APTX: variants seen among roughly 807,000 people sequenced by gnomAD.
APTX encodes aprataxin, also known as forkhead-associated domain histidine triad-like protein.
A neutral mutation model predicts 42.3 loss-of-function variants in APTX; 33 were observed. The observed-to-expected ratio is 0.78, with a 90% CI of 0.59 to 1.04. APTX has a LOEUF of 1.04. Ranked by LOEUF, APTX falls within the 50% of genes least tolerant of loss-of-function variation. The pLI is 0.00. For synonymous variants in APTX, 130 were observed against 146.7 expected, an observed-to-expected ratio of 0.89 and a Z score of 0.82; for missense variants, 421 against 415.1, an observed-to-expected ratio of 1.01 and a Z score of -0.12.
chr9:33,002,041 G>A (rs1836657808), upstream of APTX, among the ~76,000 whole-genome samples: 1 of 152,212 alleles, frequency 6.6e-6, no homozygotes, highest in Non-Finnish European at 1.5e-5. Flanking sequence ...CCTTTGTGCA[G>A]GGAGGAAAGA....
At chr9:32,981,090 G>A (rs1830578435) in intron 6 of APTX, among the ~76,000 whole-genome samples, 1 of 152,086 alleles carries the variant, frequency 6.6e-6, no homozygotes, top group Admixed American at 6.6e-5. Flanking sequence ...ACCTAGCTTT[G>A]GAGAACAGTG....
At chr9:33,010,791 A>T (rs1349139046) in intron 1 of APTX, among the ~76,000 whole-genome samples, 1 of 152,186 alleles carries the variant, frequency 6.6e-6, no homozygotes, top group Admixed American at 6.5e-5. Context: ...TAAGAAAAGA[A>T]AGATACAGGT....
intron 6 of APTX, among the ~76,000 whole-genome samples, chr9:32,977,057 T>G (rs904965401): frequency 3.9e-5 from 6 of 152,230 alleles, no homozygotes; most frequent in Admixed American, 1.3e-4. Flanking sequence ...AAAATGTAAT[T>G]TCCATTTATG....
intron 1 of APTX, among the ~76,000 whole-genome samples, chr9:33,020,736 T>C (rs1838306495): frequency 6.6e-6 from 1 of 152,228 alleles, no homozygotes; most frequent in East Asian, 1.9e-4. Context: ...CAAAACAAAA[T>C]TCAAACTTTT....
chr9:32,997,500 G>A (rs1221954509), intron 1 of APTX: 1 of 152,172 alleles, frequency 6.6e-6, no homozygotes, highest in Non-Finnish European at 1.5e-5. Flanking sequence ...TGGAGGAGGT[G>A]GACCTAAACT....
At chr9:32,983,619 T>A (rs1831205522) in intron 6 of APTX, among the ~76,000 whole-genome samples, 1 of 152,052 alleles carries the variant, frequency 6.6e-6, no homozygotes, top group Admixed American at 6.6e-5. Context: ...TTCACCTAAA[T>A]AAAATGTGAG....
intron 7 of APTX, 84 bp from the exon 8 acceptor site, chr9:32,973,736 AC>A (rs1162563583): frequency 6.5e-7 from 1 of 1,537,220 alleles, no homozygotes; most frequent in Admixed American, 1.7e-5. Flanking sequence ...AAAATCAAAA[AC>A]GTGACTCCAA....
chr9:32,988,255 C>T (rs1164886419), intron 2 of APTX, 126 bp from the exon 3 acceptor site: 2 of 811,952 alleles, frequency 2.5e-6, no homozygotes, highest in Non-Finnish European at 4.3e-6. Context: ...CCTTAAAGGC[C>T]TATTAGCAAT....
Position 32,988,069 on chromosome 9 carries a change from A to C in APTX, c.180+14T>G. ...ATCATCGAGTATAAAATTCCAAGTT[A>C]TAAATACACCTACCTGCTTTACCTT... On this transcript the variant is annotated intron_variant, in intron 3 of 7. Transcript: ENST00000379817. 2.5e-6 allele frequency: 4 copies of C among 1,613,342 alleles called. 1 individual carries two copies. The South Asian group carries it at 4.4e-5, about 18-fold the overall frequency.
exon 1 of APTX, chr9:33,025,055 G>A (rs1318620509): frequency 1.3e-5 from 2 of 152,536 alleles, no homozygotes; most frequent in African/African-American, 2.4e-5. Context: ...CAGGCTCGCT[G>A]AGTGGAGAAA....
At chr9:33,023,666 G>T (rs1254437583) in intron 1 of APTX, among the ~76,000 whole-genome samples, 1 of 152,226 alleles carries the variant, frequency 6.6e-6, no homozygotes, top group Non-Finnish European at 1.5e-5. Context: ...AAAATCAGGT[G>T]TCTGTCAGCC....
At chr9:32,985,877 A>T in intron 5 of APTX, 94 bp downstream of exon 5, 1 of 1,157,580 alleles carries the variant, frequency 8.6e-7, no homozygotes, top group Non-Finnish European at 1.3e-6. Context: ...ATTCAGAAAG[A>T]CTGATATCCT....
intron 6 of APTX, among the ~76,000 whole-genome samples, chr9:32,975,106 G>T (rs1013539469): frequency 6.6e-6 from 1 of 152,068 alleles, no homozygotes; most frequent in South Asian, 2.1e-4. Flanking sequence ...GCCCTGAGAT[G>T]AGGAAAAGCT....
chr9:33,007,498 C>G (rs1564000361), intron 1 of APTX, among the ~76,000 whole-genome samples: 2 of 152,154 alleles, frequency 1.3e-5, no homozygotes, highest in Non-Finnish European at 2.9e-5. Flanking sequence ...AACGAAGGGA[C>G]AGAAGTTCAC....
chr9:32,999,856 G>A (rs1355721302), intron 1 of APTX, among the ~76,000 whole-genome samples: 15 of 152,096 alleles, frequency 9.9e-5, no homozygotes, highest in Non-Finnish European at 2.9e-5. Flanking sequence ...GACGCCTGTA[G>A]TCCTGAGCCA....
chr9:32,975,707 GAAGAAA>G lies in APTX; in HGVS notation c.771-1152_771-1147del, dbSNP rs555135583. 4.1e-3 allele frequency among the ~76,000 whole-genome samples: 628 copies of G among 152,150 alleles called. 6 individuals carry two copies. Among genetic ancestry groups the G allele is most frequent in the African/African-American group, 0.014 (598 of 41,518 alleles). On this transcript the variant is annotated intron_variant, in intron 6 of 7. Transcript: ENST00000379817. ...AAGTTAGACTCCATCACTAAAAAAA[GAAGAAA>G]AAGAAAAAGAAAATGCACTTTATTT... is the stretch of plus-strand genomic sequence containing the variant.
chr9:32,989,599 GAATA>G (rs1388009120), intron 2 of APTX, 156 bp downstream of exon 2: 1 of 1,104,426 alleles, frequency 9.1e-7, no homozygotes, highest in Admixed American at 1.7e-5. Flanking sequence ...GCAGAATCAG[GAATA>G]AATAGGGCCC....
chr9:32,999,741 C>T (rs1487525543), intron 1 of APTX, among the ~76,000 whole-genome samples: 1 of 151,996 alleles, frequency 6.6e-6, no homozygotes, highest in Non-Finnish European at 1.5e-5. Context: ...TTTGGGAGGC[C>T]GAGGCAGGCA....
Position 32,985,961 on chromosome 9 carries a change from G to A in APTX, c.543+10C>T. 6.6e-7 allele frequency: 1 copy of A among 1,525,966 alleles called. No individual in the cohort carries two copies. Among genetic ancestry groups the A allele is most frequent in the South Asian group, 1.1e-5 (1 of 89,680 alleles). 94.5% of individuals were successfully genotyped at this position (1,525,966 alleles called of 1,614,324 possible). A position where few individuals can be genotyped will look rare whatever the true frequency, so the allele number is the denominator to read the frequency against. On this transcript the variant is annotated intron_variant, in intron 5 of 7. Coordinates refer to ENST00000379817, the MANE Select transcript of APTX (RefSeq NM_001195248.2). Reference sequence around the variant, plus strand: ...TGAAATGTACTGAAATTCCAAAATTGTATTCTGACCTGCATTTTGGGGTCC... The same window carrying A: ...TGAAATGTACTGAAATTCCAAAATTATATTCTGACCTGCATTTTGGGGTCC...
Sources: gnomAD v4.1 joint callset for allele counts (sites outside exome capture counted in the v4.1 genomes callset) on GRCh38, gnomAD v4.1.1 for gene constraint, MANE v1.5 for transcripts, NCBI Gene and HGNC (gene_info 2026-07-23, HGNC 2026-07-21) for gene names.